GUCA1C: variants seen among roughly 807,000 people sequenced by gnomAD.
The protein encoded by GUCA1C is guanylate cyclase activator 1C.
Under a neutral mutation model 16.2 loss-of-function variants are expected in GUCA1C, and 15 were observed. The observed-to-expected ratio is 0.93, with a 90% confidence interval of 0.62 to 1.43. The LOEUF (loss-of-function observed/expected upper bound fraction) is 1.43, where lower values mean the gene tolerates loss of function less well. Among genes scored for constraint, GUCA1C ranks in the 40% most tolerant of loss-of-function variants. GUCA1C has a pLI of 0.00. For synonymous variants in GUCA1C, 78 were observed against 85.4 expected, an observed-to-expected ratio of 0.91 and a Z score of 0.48; for missense variants, 275 against 244.8, an observed-to-expected ratio of 1.12 and a Z score of -0.82.
chr3:108,926,605 C>T (rs549565784), intron 1 of GUCA1C, among the ~76,000 whole-genome samples: 17 of 152,208 alleles, frequency 1.1e-4, no homozygotes, highest in African/African-American at 2.2e-4. Flanking sequence ...CTCGGCCTCC[C>T]GAGTAGCTGG....
At chr3:108,937,068 G>A (rs140589223) in intron 1 of GUCA1C, among the ~76,000 whole-genome samples, 3 of 152,270 alleles carry the variant, frequency 2.0e-5, no homozygotes, top group Non-Finnish European at 4.4e-5. Context: ...AGTGTACCCA[G>A]GAAATGTTCC....
intron 1 of GUCA1C, among the ~76,000 whole-genome samples, chr3:108,936,957 A>C (rs1232680644): frequency 1.3e-5 from 2 of 151,984 alleles, no homozygotes; most frequent in African/African-American, 4.8e-5. Context: ...GGTGTATTTC[A>C]TGAACATTTC....
intron 1 of GUCA1C, among the ~76,000 whole-genome samples, chr3:108,937,073 T>A (rs1946734415): frequency 1.3e-5 from 2 of 152,116 alleles, no homozygotes; most frequent in South Asian, 4.1e-4. Context: ...ACCCAGGAAA[T>A]GTTCCCAAAT....
intron 1 of GUCA1C, among the ~76,000 whole-genome samples, chr3:108,923,641 T>C (rs1251840020): frequency 6.6e-6 from 1 of 152,164 alleles, no homozygotes. Context: ...AGGCTTTTTT[T>C]TGTTGTTGTT....
intron 1 of GUCA1C, among the ~76,000 whole-genome samples, chr3:108,937,986 C>T (rs936766638): frequency 2.6e-5 from 4 of 151,998 alleles, no homozygotes; most frequent in African/African-American, 9.7e-5. Flanking sequence ...CAGAGAATTG[C>T]TTGAACCCGG....
At chr3:108,935,399 A>G (rs1044561516) in intron 1 of GUCA1C, among the ~76,000 whole-genome samples, 1 of 152,104 alleles carries the variant, frequency 6.6e-6, no homozygotes, top group African/African-American at 2.4e-5. Flanking sequence ...ATCTATAAAG[A>G]AAGCATAAAG....
intron 1 of GUCA1C, among the ~76,000 whole-genome samples, chr3:108,923,091 C>T (rs1360774529): frequency 6.6e-6 from 1 of 152,120 alleles, no homozygotes; most frequent in East Asian, 1.9e-4. Context: ...GTCGAATGTA[C>T]AGATTGTGAT....
At chr3:108,922,849 CCT>C (rs1366062689) in intron 1 of GUCA1C, among the ~76,000 whole-genome samples, 1 of 152,122 alleles carries the variant, frequency 6.6e-6, no homozygotes, top group African/African-American at 2.4e-5. Flanking sequence ...CAGGCCCCTC[CCT>C]GTGTCCATGT....
intron 1 of GUCA1C, among the ~76,000 whole-genome samples, chr3:108,946,443 C>T (rs1322983121): frequency 6.6e-6 from 1 of 152,128 alleles, no homozygotes; most frequent in South Asian, 2.1e-4. Context: ...GCCTATGGTA[C>T]ATTTTGTTCT....
intron 2 of GUCA1C, among the ~76,000 whole-genome samples, chr3:108,917,034 G>A (rs1946525217): frequency 1.3e-5 from 2 of 152,054 alleles, no homozygotes; most frequent in Non-Finnish European, 2.9e-5. Context: ...TTGAGTTCCA[G>A]GAGTAATCAT....
chr3:108,908,496 G>C (rs927482404), intron 3 of GUCA1C, among the ~76,000 whole-genome samples: 8 of 152,142 alleles, frequency 5.3e-5, no homozygotes, highest in Non-Finnish European at 2.9e-5. Flanking sequence ...TCTCTGCACA[G>C]TATTGGTTTT....
intron 3 of GUCA1C, among the ~76,000 whole-genome samples, chr3:108,909,819 A>C (rs1229896824): frequency 2.0e-5 from 3 of 152,192 alleles, no homozygotes; most frequent in African/African-American, 7.2e-5. Context: ...CCATAAAAAA[A>C]AATCTCTGTT....
intron 3 of GUCA1C, among the ~76,000 whole-genome samples, chr3:108,914,314 T>C (rs1268223324): frequency 3.3e-5 from 5 of 152,128 alleles, no homozygotes; most frequent in Admixed American, 3.3e-4. Context: ...CTAATCACAG[T>C]CCCCATTTTA....
rs1036256036 is a variant in GUCA1C, at chr3:108,922,200, CACAT to C, written c.205-1619_205-1616del. On this transcript the variant is annotated intron_variant, in intron 1 of 3. Transcript: ENST00000261047. The stretch of plus-strand genomic sequence containing the variant: ...ACACACACACACACACACACACACA[CACAT>C]ATATATATGGATAATTTTCTTTATC... Among the ~76,000 whole-genome samples, 86 of 48,310 alleles carry C rather than the reference CACAT, an allele frequency of 1.8e-3. No individual in the cohort carries two copies. The South Asian group carries it at 0.02, about 11-fold the overall frequency. The allele number at this position is 48,310 out of a possible 152,430, so 31.7% of individuals were successfully genotyped here.
intron 3 of GUCA1C, among the ~76,000 whole-genome samples, chr3:108,913,825 T>C (rs963573071): frequency 6.6e-6 from 1 of 152,036 alleles, no homozygotes; most frequent in African/African-American, 2.4e-5. Flanking sequence ...CCCAGCACTT[T>C]GGGAGGCTGA....
At chr3:108,913,306 A>G (rs1274666876) in intron 3 of GUCA1C, among the ~76,000 whole-genome samples, 2 of 151,790 alleles carry the variant, frequency 1.3e-5, no homozygotes, top group Non-Finnish European at 2.9e-5. Context: ...TATTTCTATC[A>G]ATGCTGATGT....
At chr3:108,908,771 G>C (rs1385929197) in intron 3 of GUCA1C, among the ~76,000 whole-genome samples, 3 of 152,114 alleles carry the variant, frequency 2.0e-5, no homozygotes, top group African/African-American at 4.8e-5. Flanking sequence ...GTCTGTGCTG[G>C]CCAGCCCACT....
intron 1 of GUCA1C, among the ~76,000 whole-genome samples, chr3:108,941,163 A>C (rs536503786): frequency 5.9e-5 from 9 of 152,318 alleles, no homozygotes; most frequent in African/African-American, 2.2e-4. Context: ...CCACTGTAAT[A>C]ATCATTATTC....
rs957398420 is a variant in GUCA1C at position 108,920,376 on chromosome 3, G to A, written c.354+60C>T. 5 of 1,295,858 alleles carry A rather than the reference G, an allele frequency of 3.9e-6. No individual in the cohort carries two copies. The South Asian group carries it at 6.2e-5, about 16-fold the overall frequency. 80.3% of individuals were successfully genotyped at this position (1,295,858 alleles called of 1,614,324 possible). On this transcript the variant is annotated intron_variant, in intron 2 of 3. Coordinates refer to ENST00000261047, the MANE Select transcript of GUCA1C (RefSeq NM_005459.4). ...TAGACAGCTGTTACCTACTCCATAG[G>A]AAGGGAAATTGGGTTAACTATATAG...
Sources: allele counts gnomAD v4.1 joint callset (sites outside exome capture counted in the v4.1 genomes callset), GRCh38; gene constraint gnomAD v4.1.1; transcripts MANE v1.5; gene names NCBI Gene and HGNC (gene_info 2026-07-23, HGNC 2026-07-21).